Variants in CSMD1 observed in about 807,000 individuals in gnomAD.
CSMD1 encodes the protein CUB and sushi domain-containing protein 1.
CSMD1 carries 213 observed loss-of-function variants against 417.5 expected under a neutral mutation model. That is an observed-to-expected ratio of 0.51 (90% CI 0.46 to 0.57). The LOEUF (loss-of-function observed/expected upper bound fraction) is 0.57, where lower values mean the gene tolerates loss of function less well. Among genes scored for constraint, CSMD1 ranks in the 20% least tolerant of loss-of-function variants. CSMD1 has a pLI of 0.00. For synonymous variants in CSMD1, 2,862 were observed against 1,736.8 expected, an observed-to-expected ratio of 1.65 and a Z score of -16.11; for missense variants, 6,923 against 4,529.7, an observed-to-expected ratio of 1.53 and a Z score of -15.17.
At chr8:3,430,609 C>T (rs1814154623) in intron 12 of CSMD1, among the ~76,000 whole-genome samples, 1 of 152,082 alleles carries the variant, frequency 6.6e-6, no homozygotes, top group Non-Finnish European at 1.5e-5. Flanking sequence ...GAGTTTGAGA[C>T]CAGCCTGTCC....
intron 6 of CSMD1, among the ~76,000 whole-genome samples, chr8:3,717,226 T>A (rs1410900419): frequency 6.6e-6 from 1 of 152,222 alleles, no homozygotes; most frequent in Admixed American, 6.5e-5. Flanking sequence ...TTAGTAAACG[T>A]ACCTTTCCAT....
chr8:3,173,914 A>T (rs1457054019), intron 37 of CSMD1, among the ~76,000 whole-genome samples: 1 of 152,230 alleles, frequency 6.6e-6, no homozygotes, highest in African/African-American at 2.4e-5. Flanking sequence ...AATTATGGCA[A>T]CGTCCTGCCA....
At chr8:3,008,855 G>T (rs1257011862) in intron 52 of CSMD1, among the ~76,000 whole-genome samples, 1 of 152,190 alleles carries the variant, frequency 6.6e-6, no homozygotes, top group East Asian at 1.9e-4. Flanking sequence ...CCCTCAAAGA[G>T]ACCTGAGGTA....
chr8:4,124,483 G>A (rs866888852), intron 3 of CSMD1, among the ~76,000 whole-genome samples: 5 of 152,166 alleles, frequency 3.3e-5, no homozygotes, highest in Admixed American at 3.3e-4. Context: ...CTCTCCACGG[G>A]GTGAAATCAC....
rs9657370 is a variant in CSMD1, at chr8:4,825,828, G to A, written c.85+168504C>T. On this transcript the variant is annotated intron_variant, in intron 1 of 69. Coordinates refer to ENST00000635120, the MANE Select transcript of CSMD1 (RefSeq NM_033225.6). ...AAAAGAAATCCCACAATCCAATTAA[G>A]AAATGGGCAAAAGACACTTCTCTGA... Among the ~76,000 whole-genome samples, 404 of 148,222 alleles carry A rather than the reference G, an allele frequency of 2.7e-3. 2 individuals are homozygous for A. Among genetic ancestry groups the A allele is most frequent in the African/African-American group, 9.4e-3 (383 of 40,598 alleles).
intron 2 of CSMD1, among the ~76,000 whole-genome samples, chr8:4,435,318 G>A (rs73512780): frequency 5.1e-3 from 776 of 152,210 alleles, no homozygotes; most frequent in African/African-American, 0.018. Context: ...ATGTGACACA[G>A]GTAAAATGCA....
intron 37 of CSMD1, among the ~76,000 whole-genome samples, chr8:3,166,625 A>C (rs1334735926): frequency 6.6e-6 from 1 of 152,210 alleles, no homozygotes; most frequent in African/African-American, 2.4e-5. Flanking sequence ...GCATTGATTG[A>C]AAGTGATCTC....
rs757000350 is a variant in CSMD1 at position 3,586,183 on chromosome 8, ACT to A, written c.1173_1174del (p.Arg391SerfsTer10). ...ACTCCAAGCAGCGAGCGTCTCTGTA[ACT>A]CTCTGACAGGTGATGCTTTTAGATC... On this transcript the variant is annotated frameshift_variant, in exon 9 of 70. Transcript: ENST00000635120. LOFTEE classifies it high-confidence loss of function. 6.2e-7 allele frequency: 1 copy of A among 1,612,518 alleles called. No individual in the cohort carries two copies. Among genetic ancestry groups the A allele is most frequent in the Non-Finnish European group, 8.5e-7 (1 of 1,179,388 alleles).
chr8:4,148,045 C>T (rs1039975628), intron 3 of CSMD1, among the ~76,000 whole-genome samples: 7 of 152,066 alleles, frequency 4.6e-5, no homozygotes, highest in South Asian at 2.1e-4. Context: ...ATGACCTTTA[C>T]GGTAAAGAAA....
intron 2 of CSMD1, among the ~76,000 whole-genome samples, chr8:4,569,248 G>A (rs1046167426): frequency 1.3e-5 from 2 of 152,230 alleles, no homozygotes; most frequent in African/African-American, 4.8e-5. Flanking sequence ...TATTGCCTAG[G>A]TTTTCTTCTA....
At chr8:4,903,068 C>T (rs1457083330) in intron 1 of CSMD1, among the ~76,000 whole-genome samples, 1 of 151,536 alleles carries the variant, frequency 6.6e-6, no homozygotes, top group Non-Finnish European at 1.5e-5. Flanking sequence ...TGAATACTGT[C>T]ATGTATTAGA....
chr8:3,175,358 T>C (rs1214991948), intron 37 of CSMD1, among the ~76,000 whole-genome samples: 1 of 152,210 alleles, frequency 6.6e-6, no homozygotes, highest in Non-Finnish European at 1.5e-5. Flanking sequence ...TTATTCAGAA[T>C]ATATTGTAAA....
intron 1 of CSMD1, among the ~76,000 whole-genome samples, chr8:4,716,731 G>A (rs1808683336): frequency 6.6e-6 from 1 of 152,148 alleles, no homozygotes; most frequent in African/African-American, 2.4e-5. Context: ...GTAGTCTTGT[G>A]AGAATTAACT....
At chr8:3,013,130 G>T (rs140249647) in intron 52 of CSMD1, among the ~76,000 whole-genome samples, 1 of 152,270 alleles carries the variant, frequency 6.6e-6, no homozygotes, top group East Asian at 1.9e-4. Context: ...GTCTTTCTTA[G>T]CAGCGTGAGA....
In CSMD1 at chr8:3,982,065, G is replaced by T. The variant is rs894161858; in HGVS notation, c.818+15838C>A. On this transcript the variant is annotated intron_variant, in intron 5 of 69. Coordinates refer to ENST00000635120, the MANE Select transcript of CSMD1 (RefSeq NM_033225.6). ...GGTCGCCTGTAATCCCAGCTACGCA[G>T]GAGAATGGGGTGAACCTGGGAGGTG... 4.0e-5 allele frequency among the ~76,000 whole-genome samples: 6 copies of T among 151,800 alleles called. No homozygotes were observed. In the East Asian group the frequency reaches 1.2e-3, roughly 29 times the overall value.
chr8:3,727,849 A>T (rs182384442), intron 6 of CSMD1, among the ~76,000 whole-genome samples: 2 of 152,338 alleles, frequency 1.3e-5, no homozygotes, highest in African/African-American at 4.8e-5. Flanking sequence ...GCCAGGTGAA[A>T]TATGCCTGTC....
At chr8:4,913,670 A>G (rs1805851633) in intron 1 of CSMD1, among the ~76,000 whole-genome samples, 1 of 152,218 alleles carries the variant, frequency 6.6e-6, no homozygotes, top group Admixed American at 6.5e-5. Flanking sequence ...TGTGCAGATT[A>G]GAATTCCATC....
At chr8:3,930,361 T>C (rs1563222844) in intron 5 of CSMD1, among the ~76,000 whole-genome samples, 2 of 150,736 alleles carry the variant, frequency 1.3e-5, no homozygotes, top group South Asian at 2.1e-4. Context: ...AATCAATGTA[T>C]TTTATGTTCT....
At chr8:4,156,555 A>G (rs1392539662) in intron 3 of CSMD1, among the ~76,000 whole-genome samples, 1 of 152,084 alleles carries the variant, frequency 6.6e-6, no homozygotes, top group African/African-American at 2.4e-5. Flanking sequence ...CAAATTCTAA[A>G]AGATCACTTC....
Sources: gnomAD v4.1 joint callset for allele counts (sites outside exome capture counted in the v4.1 genomes callset) on GRCh38, gnomAD v4.1.1 for gene constraint, MANE v1.5 for transcripts, NCBI Gene and HGNC (gene_info 2026-07-23, HGNC 2026-07-21) for gene names.